Variants in VCF2 observed in about 807,000 individuals in gnomAD.
VCF2 encodes the protein VCP nuclear cofactor family member 2.
chrX:55,147,923 T>C, the VCF2 span, among the ~76,000 whole-genome samples: 3 of 111,269 alleles, frequency 2.7e-5, no homozygotes. Context: ...GACATTTTTA[T>C]GCTATCAATA....
At chrX:55,148,849 C>T in the VCF2 span, among the ~76,000 whole-genome samples, 1 of 111,623 alleles carries the variant, frequency 9.0e-6, no homozygotes, top group South Asian at 3.7e-4. Flanking sequence ...TTTCAGCTTT[C>T]TCTCCCCCTT....
the VCF2 span, among the ~76,000 whole-genome samples, chrX:55,155,340 C>T: frequency 9.0e-6 from 1 of 111,533 alleles, no homozygotes; most frequent in African/African-American, 3.3e-5. Context: ...GTGGATGAGA[C>T]CACAAAAATC....
the VCF2 span, among the ~76,000 whole-genome samples, chrX:55,146,984 T>C: frequency 2.7e-5 from 3 of 111,884 alleles, no homozygotes; most frequent in African/African-American, 6.5e-5. Context: ...ATGAATTTAA[T>C]AGGGTGTGTA....
At chrX:55,144,176 A>C in the VCF2 span, among the ~76,000 whole-genome samples, 1 of 111,515 alleles carries the variant, frequency 9.0e-6, no homozygotes, top group Non-Finnish European at 1.9e-5. Context: ...TTTAATAGAC[A>C]CTTTCTTTCA....
chrX:55,144,809 G>A, the VCF2 span, among the ~76,000 whole-genome samples: 60 of 112,518 alleles, frequency 5.3e-4, no homozygotes, highest in South Asian at 0.02. Context: ...TCCAAATATA[G>A]TGGAAAAGAT....
At chrX:55,147,302 C>T in the VCF2 span, among the ~76,000 whole-genome samples, 6 of 108,147 alleles carry the variant, frequency 5.5e-5, no homozygotes. Context: ...CACACAGTAA[C>T]ACTGTCCACA....
chrX:55,160,053 G>A, the VCF2 span, among the ~76,000 whole-genome samples: 1 of 111,970 alleles, frequency 8.9e-6, no homozygotes, highest in African/African-American at 3.2e-5. Context: ...GAGACTCTAG[G>A]AGACTGAGTA....
the VCF2 span, among the ~76,000 whole-genome samples, chrX:55,154,185 C>T: frequency 1.8e-5 from 2 of 111,874 alleles, no homozygotes; most frequent in East Asian, 2.8e-4. Context: ...TGCTGTGATG[C>T]AATTGCAGCT....
the VCF2 span, among the ~76,000 whole-genome samples, chrX:55,151,055 T>C: frequency 1.8e-5 from 2 of 112,554 alleles, no homozygotes; most frequent in Non-Finnish European, 3.7e-5. Context: ...GTTAACTATG[T>C]TAGTGTGAGA....
the VCF2 span, among the ~76,000 whole-genome samples, chrX:55,151,929 T>C: frequency 2.3e-5 from 2 of 88,164 alleles, no homozygotes; most frequent in African/African-American, 8.7e-5. Context: ...TCTCGCTCTG[T>C]CGCCCAGGCT....
chrX:55,160,733 G>A, the VCF2 span: 3 of 839,005 alleles, frequency 3.6e-6, no homozygotes, highest in African/African-American at 6.1e-5. Flanking sequence ...AATACCAGTT[G>A]CTAGGGTACC....
At chrX:55,150,186 T>C in the VCF2 span, among the ~76,000 whole-genome samples, 4 of 112,149 alleles carry the variant, frequency 3.6e-5, no homozygotes, top group Admixed American at 2.8e-4. Flanking sequence ...TTAGTATGTG[T>C]TTCAGAATTG....
At chrX:55,149,393 A>G in the VCF2 span, among the ~76,000 whole-genome samples, 2 of 111,591 alleles carry the variant, frequency 1.8e-5, no homozygotes, top group African/African-American at 6.5e-5. Flanking sequence ...TGGATATAAA[A>G]AGAACACCAA....
At chrX:55,143,791 G>C in the VCF2 span, 1 of 1,199,319 alleles carries the variant, frequency 8.3e-7, no homozygotes, top group Non-Finnish European at 1.1e-6. Context: ...AAACAGCTTG[G>C]TTCCTTCCCT....
At chrX:55,156,055 G>A in the VCF2 span, among the ~76,000 whole-genome samples, 2 of 106,566 alleles carry the variant, frequency 1.9e-5, no homozygotes, top group African/African-American at 3.4e-5. Context: ...GGGTTCAAGC[G>A]ATTCTCCTGC....
the VCF2 span, among the ~76,000 whole-genome samples, chrX:55,155,941 C>CTTTT: frequency 5.9e-4 from 30 of 50,477 alleles, no homozygotes; most frequent in Non-Finnish European, 9.0e-4. Context: ...TCTTCTTCTT[C>CTTTT]TTTTTTTTTT....
the VCF2 span, chrX:55,160,712 A>G: frequency 5.9e-6 from 4 of 681,812 alleles, no homozygotes; most frequent in Non-Finnish European, 8.7e-6. Flanking sequence ...AAAACCAATC[A>G]GAGAAACAGA....
chrX:55,149,248 GC>G, the VCF2 span, among the ~76,000 whole-genome samples: 1 of 101,149 alleles, frequency 9.9e-6, no homozygotes, highest in East Asian at 3.1e-4. Flanking sequence ...TAACTCCTAT[GC>G]CATTGTTATT....
chrX:55,147,085 A>T, the VCF2 span, among the ~76,000 whole-genome samples: 1 of 111,962 alleles, frequency 8.9e-6, no homozygotes, highest in Non-Finnish European at 1.9e-5. Flanking sequence ...ATCCCTGTAA[A>T]CAGTTGTTTC....
Sources: gnomAD v4.1 joint callset for allele counts (sites outside exome capture counted in the v4.1 genomes callset) on GRCh38, gnomAD v4.1.1 for gene constraint, MANE v1.5 for transcripts, NCBI Gene and HGNC (gene_info 2026-07-23, HGNC 2026-07-21) for gene names.